CSMD1: variants seen among roughly 807,000 people sequenced by gnomAD.
CSMD1 encodes CUB and sushi domain-containing protein 1.
CSMD1 carries 213 observed loss-of-function variants against 417.5 expected under a neutral mutation model. That is an observed-to-expected ratio of 0.51 (90% CI 0.46 to 0.57). The LOEUF is 0.57. Ranked by LOEUF, CSMD1 falls within the 20% of genes least tolerant of loss-of-function variation. The probability of loss-of-function intolerance (pLI) is 0.00; values close to 1 mark genes in which losing one functional copy is unlikely to be tolerated. For synonymous variants in CSMD1, 2,862 were observed against 1,736.8 expected (o/e 1.65, Z -16.11); for missense variants, 6,923 against 4,529.7 (o/e 1.53, Z -15.17).
chr8:4,616,724 A>G (rs1801494163), intron 2 of CSMD1, among the ~76,000 whole-genome samples: 1 of 152,182 alleles, frequency 6.6e-6, no homozygotes, highest in Admixed American at 6.5e-5. Flanking sequence ...AATGGTGATG[A>G]TCATCATTGT....
At chr8:4,359,561 C>G (rs901405766) in intron 3 of CSMD1, among the ~76,000 whole-genome samples, 1 of 152,204 alleles carries the variant, frequency 6.6e-6, no homozygotes, top group African/African-American at 2.4e-5. Context: ...CAGAAGAGCC[C>G]TGTGTTCCTT....
chr8:3,945,188 A>AC (rs1472976887), intron 5 of CSMD1, among the ~76,000 whole-genome samples: 1 of 151,974 alleles, frequency 6.6e-6, no homozygotes, highest in East Asian at 1.9e-4. Context: ...CAAAAAAAAA[A>AC]AAAAAAAAAC....
chr8:4,560,343 G>T (rs757657457), intron 2 of CSMD1, among the ~76,000 whole-genome samples: 17 of 152,182 alleles, frequency 1.1e-4, no homozygotes, highest in Admixed American at 3.9e-4. Flanking sequence ...TCTCCTACAT[G>T]TGTTGCCTGA....
chr8:3,806,558 A>G (rs1276198826), intron 5 of CSMD1, among the ~76,000 whole-genome samples: 2 of 152,194 alleles, frequency 1.3e-5, no homozygotes, highest in Non-Finnish European at 2.9e-5. Flanking sequence ...ACGCACACTT[A>G]TCATAGAAAT....
intron 25 of CSMD1, among the ~76,000 whole-genome samples, chr8:3,302,859 C>T (rs187594882): frequency 6.6e-6 from 1 of 152,138 alleles, no homozygotes; most frequent in Non-Finnish European, 1.5e-5. Flanking sequence ...TCTGTGGCAA[C>T]TGAAAATATG....
At chr8:4,108,282 C>G (rs879906080) in intron 3 of CSMD1, among the ~76,000 whole-genome samples, 1 of 152,150 alleles carries the variant, frequency 6.6e-6, no homozygotes, top group Non-Finnish European at 1.5e-5. Context: ...GTTGAATGAT[C>G]TCTGGGAAGC....
chr8:3,554,036 T>G (rs2116803345), intron 10 of CSMD1, among the ~76,000 whole-genome samples: 1 of 152,288 alleles, frequency 6.6e-6, no homozygotes, highest in Non-Finnish European at 1.5e-5. Flanking sequence ...AAGTAAACAT[T>G]ATAGTTTTGA....
intron 3 of CSMD1, among the ~76,000 whole-genome samples, chr8:4,388,598 G>C (rs1057317689): frequency 6.6e-6 from 1 of 152,088 alleles, no homozygotes; most frequent in East Asian, 1.9e-4. Flanking sequence ...ATAGGGTACA[G>C]TGTATACTGC....
chr8:4,872,650 T>A (rs982695414), intron 1 of CSMD1, among the ~76,000 whole-genome samples: 5 of 152,060 alleles, frequency 3.3e-5, no homozygotes, highest in African/African-American at 4.8e-5. Flanking sequence ...TCTAATACAC[T>A]GCCTCAGAAA....
intron 2 of CSMD1, among the ~76,000 whole-genome samples, chr8:4,466,723 C>A (rs1163938410): frequency 6.6e-6 from 1 of 151,974 alleles, no homozygotes; most frequent in Non-Finnish European, 1.5e-5. Flanking sequence ...AAATGGTGTA[C>A]AACAAATACA....
At chr8:2,956,621 T>G (rs994913650) in intron 63 of CSMD1, among the ~76,000 whole-genome samples, 1 of 151,922 alleles carries the variant, frequency 6.6e-6, no homozygotes, top group Non-Finnish European at 1.5e-5. Flanking sequence ...GCCCGGCTAA[T>G]TTTTTGTAGT....
chr8:3,940,733 A>C (rs1336472246), intron 5 of CSMD1, among the ~76,000 whole-genome samples: 5 of 151,926 alleles, frequency 3.3e-5, no homozygotes, highest in Non-Finnish European at 7.4e-5. Flanking sequence ...ATTCATTTTT[A>C]AAGTAGCTTA....
intron 3 of CSMD1, among the ~76,000 whole-genome samples, chr8:4,240,337 T>C (rs369493332): frequency 2.0e-5 from 3 of 152,302 alleles, no homozygotes; most frequent in Admixed American, 6.5e-5. Flanking sequence ...TGCTGCATCT[T>C]TGCTAAAAAG....
rs189312174 is a variant in CSMD1 at position 4,564,920 on chromosome 8, T to G, written c.302+72422A>C. ...ATTCACCCATTTCTCTATGATATAG[T>G]TAATAGCGGCTTTTCTAGTGTTATG... On this transcript the variant is annotated intron_variant, in intron 2 of 69. Coordinates refer to ENST00000635120, the MANE Select transcript of CSMD1 (RefSeq NM_033225.6). Among the ~76,000 whole-genome samples the G allele has an allele frequency of 4.2e-3, 645 of 152,356 alleles. 6 individuals carry two copies. Among genetic ancestry groups the G allele is most frequent in the African/African-American group, 0.014 (603 of 41,594 alleles).
intron 1 of CSMD1, among the ~76,000 whole-genome samples, chr8:4,821,741 A>G (rs1396959718): frequency 6.6e-6 from 1 of 152,146 alleles, no homozygotes; most frequent in African/African-American, 2.4e-5. Context: ...TTCTTGTGTT[A>G]TAAGTGATGT....
intron 1 of CSMD1, among the ~76,000 whole-genome samples, chr8:4,754,308 A>G (rs766307855): frequency 4.6e-5 from 7 of 152,214 alleles, no homozygotes; most frequent in Non-Finnish European, 7.3e-5. Flanking sequence ...CGGTAGAGAA[A>G]GTAGAATTTG....
chr8:3,847,192 G>C (rs1046734776), intron 5 of CSMD1, among the ~76,000 whole-genome samples: 2 of 152,208 alleles, frequency 1.3e-5, no homozygotes, highest in African/African-American at 2.4e-5. Flanking sequence ...GTGGCGCGGT[G>C]TCACTCTTAC....
intron 3 of CSMD1, among the ~76,000 whole-genome samples, chr8:4,203,014 A>T (rs144851474): frequency 1.6e-3 from 247 of 152,288 alleles, no homozygotes; most frequent in Non-Finnish European, 2.9e-3. Context: ...AGAACCTGTG[A>T]CTATGTTTCC....
intron 54 of CSMD1, among the ~76,000 whole-genome samples, chr8:2,990,757 G>A (rs1056905870): frequency 6.6e-6 from 1 of 152,168 alleles, no homozygotes; most frequent in Non-Finnish European, 1.5e-5. Flanking sequence ...CTGGAAGAGC[G>A]AGAAGCGATG....
Sources: gnomAD v4.1 joint callset for allele counts (sites outside exome capture counted in the v4.1 genomes callset) on GRCh38, gnomAD v4.1.1 for gene constraint, MANE v1.5 for transcripts, NCBI Gene and HGNC (gene_info 2026-07-23, HGNC 2026-07-21) for gene names.